The following TAF4 variants were observed in gnomAD, a reference collection of about 807,000 sequenced individuals.
TAF4 encodes the protein TATA-box binding protein associated factor 4, also known as transcription initiation factor TFIID subunit 4.
TAF4 carries 9 observed loss-of-function variants against 90.3 expected under a neutral mutation model. That is an observed-to-expected ratio of 0.10 (90% confidence interval 0.06 to 0.17). The LOEUF (loss-of-function observed/expected upper bound fraction) is 0.17, where lower values mean the gene tolerates loss of function less well. Among genes scored for constraint, TAF4 ranks in the 10% least tolerant of loss-of-function variants. The pLI is 1.00. For synonymous variants in TAF4, 818 were observed against 638.9 expected (o/e 1.28, Z -4.23); for missense variants, 1,351 against 1,370.7 (o/e 0.99, Z 0.23).
At position 61,974,988 on chromosome 20, in the gene TAF4, G is replaced by C. The variant is rs1159379793; in HGVS notation, c.*1180C>G. ...AAATAAAAGGTGTAACAGTTCTCAGGTGTTGATAAAAAATACTGATCAGCG... is the reference window on the plus strand; with the variant it reads ...AAATAAAAGGTGTAACAGTTCTCAGCTGTTGATAAAAAATACTGATCAGCG... On this transcript the variant is annotated 3_prime_UTR_variant, in exon 15 of 15. Transcript: ENST00000252996. The surrounding 1 kb of genome is among the most constrained non-coding windows in gnomAD (Gnocchi z 4.1). The C allele has an allele frequency of 6.6e-6, 1 of 152,350 alleles. No homozygotes were observed. Among genetic ancestry groups the C allele is most frequent in the East Asian group, 1.9e-4 (1 of 5,194 alleles). 9.4% of individuals were successfully genotyped at this position (152,350 alleles called of 1,614,324 possible). A position where few individuals can be genotyped will look rare whatever the true frequency, so the allele number is the denominator to read the frequency against.
chr20:62,003,992 G>A (rs2055726069), intron 7 of TAF4, 114 bp from the exon 8 acceptor site: 2 of 1,277,952 alleles, frequency 1.6e-6, no homozygotes, highest in Non-Finnish European at 2.1e-6. Context: ...CCCCCAGTAA[G>A]AAGTCCTAGG....
At chr20:62,060,055 G>A (rs2056081038) in intron 1 of TAF4, among the ~76,000 whole-genome samples, 1 of 152,238 alleles carries the variant, frequency 6.6e-6, no homozygotes, top group East Asian at 1.9e-4. Context: ...GCTGAGCCCG[G>A]TCTGTGCTGC....
intron 1 of TAF4, among the ~76,000 whole-genome samples, chr20:62,044,921 G>C (rs542988740): frequency 6.6e-6 from 1 of 152,326 alleles, no homozygotes; most frequent in South Asian, 2.1e-4. Context: ...CACCAAACAG[G>C]ATGGAGCGAA....
chr20:62,064,166 G>A (rs951974025), intron 1 of TAF4: 47 of 358,210 alleles, frequency 1.3e-4, no homozygotes, highest in African/African-American at 8.6e-4. Context: ...TCCACTAAGA[G>A]TCCTGGCTGA....
intron 14 of TAF4, among the ~76,000 whole-genome samples, chr20:61,994,350 C>G (rs2123115686): frequency 6.6e-6 from 1 of 152,388 alleles, no homozygotes; most frequent in East Asian, 1.9e-4. Context: ...ACACAGTGGC[C>G]AGAGCCCGTG....
At chr20:61,996,660 G>A (rs528459244) in intron 14 of TAF4, among the ~76,000 whole-genome samples, 4 of 151,374 alleles carry the variant, frequency 2.6e-5, no homozygotes, top group Admixed American at 6.6e-5. Context: ...TTAGCAGGGC[G>A]TGGTGGCACA....
At chr20:62,013,878 G>A (rs1274438036) in intron 2 of TAF4, among the ~76,000 whole-genome samples, 3 of 148,338 alleles carry the variant, frequency 2.0e-5, no homozygotes, top group South Asian at 2.2e-4. Flanking sequence ...CTCAGGGGTC[G>A]GGAGCTTCGG....
chr20:62,052,718 A>G, intron 1 of TAF4, among the ~76,000 whole-genome samples: 1 of 45,810 alleles, frequency 2.2e-5, no homozygotes, highest in South Asian at 6.1e-4. Flanking sequence ...GCCACCCCCC[A>G]CACCCCAGGT....
At chr20:62,063,846 G>A (rs1232155104) in intron 1 of TAF4, among the ~76,000 whole-genome samples, 4 of 152,250 alleles carry the variant, frequency 2.6e-5, no homozygotes, top group African/African-American at 7.2e-5. Context: ...ATCTCTCCCT[G>A]CCTGGTGGCA....
At position 61,978,542 on chromosome 20, in the gene TAF4, CGAGACCAACCAAAGGAGGGGGT is replaced by C. The variant is rs1164524934; in HGVS notation, c.3091-2229_3091-2208del. On this transcript the variant is annotated intron_variant, in intron 14 of 14. Coordinates refer to ENST00000252996, the MANE Select transcript of TAF4 (RefSeq NM_003185.4). ...GCGCGAGACCAACCAAGGCCGGGGG[CGAGACCAACCAAAGGAGGGGGT>C]GAGACCAACCAAGGCCGGGGGCGAG... is the stretch of plus-strand genomic sequence containing the variant. Among the ~76,000 whole-genome samples, 146 of 151,044 alleles carry C rather than the reference CGAGACCAACCAAAGGAGGGGGT, an allele frequency of 9.7e-4. 2 individuals carry two copies. Among genetic ancestry groups the C allele is most frequent in the African/African-American group, 3.3e-3 (135 of 40,884 alleles).
At chr20:62,040,369 T>C (rs1166450197) in intron 1 of TAF4, among the ~76,000 whole-genome samples, 1 of 152,182 alleles carries the variant, frequency 6.6e-6, no homozygotes, top group African/African-American at 2.4e-5. Flanking sequence ...AAGGGCCAGA[T>C]GTGAGGCTCC....
chr20:62,062,825 G>A (rs1324824512), intron 1 of TAF4, among the ~76,000 whole-genome samples: 2 of 152,286 alleles, frequency 1.3e-5, no homozygotes, highest in African/African-American at 4.8e-5. Flanking sequence ...AGAGCAAGAG[G>A]ACCTGGCCAG....
rs745823852 is a variant in TAF4 at position 62,000,521 on chromosome 20, AT to A, written c.2656+30del. 113 of 1,602,086 alleles carry A rather than the reference AT, an allele frequency of 7.1e-5. No individual in the cohort carries two copies. The African/African-American group carries it at 1.1e-3, about 16-fold the overall frequency. On this transcript the variant is annotated intron_variant, in intron 10 of 14. Coordinates refer to ENST00000252996, the MANE Select transcript of TAF4 (RefSeq NM_003185.4). ...CATGCCCCAGCAGCGCAGCTGTTTA[AT>A]AAGAACTCAGTCATTAAACACCAAC...
chr20:62,065,509 C>G lies in TAF4; in HGVS notation c.302G>C (p.Gly101Ala). Reference sequence around the variant, plus strand: ...TGAGGGGGGGCCCGGGCGCTGCGGCCCCCCGCCCCCCGGCCGCGCTCTACC... The same window carrying G: ...TGAGGGGGGGCCCGGGCGCTGCGGCGCCCCGCCCCCCGGCCGCGCTCTACC... ...PAGRARPGGG[G>A]PQRPGPPSPR... The change falls in exon 1 of 15, where the codon GGG (glycine) becomes GCG (alanine). Residue 101 changes from glycine to alanine, a missense_variant. Physicochemically the swap from Gly to Ala is moderately conservative, Grantham distance 60 (BLOSUM62 0). This residue lies in a region of TAF4 where 782 missense variants were observed against 536.6 expected (regional missense o/e 1.46). Transcript: ENST00000252996. The G allele has an allele frequency of 1.0e-6, 1 of 973,950 alleles. No individual in the cohort carries two copies. The allele number at this position is 973,950 out of a possible 1,614,324, so 60.3% of individuals were successfully genotyped here. A position where few individuals can be genotyped will look rare whatever the true frequency, so the allele number is the denominator to read the frequency against.
At chr20:62,039,870 G>C (rs576150633) in intron 1 of TAF4, among the ~76,000 whole-genome samples, 35 of 152,270 alleles carry the variant, frequency 2.3e-4, no homozygotes, top group African/African-American at 7.9e-4. Context: ...AAAGAAGATA[G>C]GCAAATGAGC....
chr20:62,014,011 G>GGGGTGT (rs1254245504), intron 2 of TAF4, among the ~76,000 whole-genome samples: 59 of 127,360 alleles, frequency 4.6e-4, no homozygotes, highest in African/African-American at 1.5e-3. Flanking sequence ...GGCTGACGCG[G>GGGGTGT]GGGTGTGGGT....
At chr20:61,992,214 G>A (rs61636494) in intron 14 of TAF4, among the ~76,000 whole-genome samples, 3,642 of 152,298 alleles carry the variant, frequency 0.024, 64 homozygotes, top group Middle Eastern at 0.058. Context: ...GAGGGCGAAA[G>A]GGAGAGCTTA....
At chr20:61,989,582 T>A (rs1163421334) in intron 14 of TAF4, among the ~76,000 whole-genome samples, 198 of 3,878 alleles carry the variant, frequency 0.051, 2 homozygotes, top group African/African-American at 0.2. Context: ...AGTGAGTGAG[T>A]GAATGAGGGA....
At chr20:61,992,791 G>A (rs911240951) in intron 14 of TAF4, among the ~76,000 whole-genome samples, 6 of 152,116 alleles carry the variant, frequency 3.9e-5, no homozygotes, top group Non-Finnish European at 5.9e-5. Context: ...ACATGTTAAC[G>A]TCCAGACGGC....
Sources: gnomAD v4.1 joint callset for allele counts (sites outside exome capture counted in the v4.1 genomes callset) on GRCh38, gnomAD v4.1.1 for gene constraint, gnomAD v4.1.1 regional missense constraint, Gnocchi (gnomAD v3.1) non-coding constraint, MANE v1.5 for transcripts, NCBI Gene and HGNC (gene_info 2026-07-23, HGNC 2026-07-21) for gene names.